Variants in WDPCP observed in about 807,000 individuals in gnomAD.
WDPCP encodes the protein WD repeat containing planar cell polarity effector.
WDPCP carries 71 observed loss-of-function variants against 93.1 expected under a neutral mutation model. The ratio of observed to expected loss-of-function variants is 0.76; its 90% CI spans 0.63 to 0.93. WDPCP has a LOEUF of 0.93. WDPCP is among the 40% of genes least tolerant of loss of function. WDPCP has a pLI of 0.00. For missense variants in WDPCP, 844 were observed against 887.4 expected, an observed-to-expected ratio of 0.95 and a Z score of 0.62; for synonymous variants, 315 against 315.0, an observed-to-expected ratio of 1.00 and a Z score of 0.00.
In WDPCP at chr2:63,120,349, T is replaced by C. The variant is rs1669481498; in HGVS notation, c.*1657A>G. ...AACAAAATGAAAAATCTAATTTGAG[T>C]TTCACCTTTTTTTGTCATACCCTCT... On this transcript the variant is annotated 3_prime_UTR_variant, in exon 18 of 18. Coordinates refer to ENST00000272321, the MANE Select transcript of WDPCP (RefSeq NM_015910.7). Among the ~76,000 whole-genome samples, 2 of 152,074 alleles carry C rather than the reference T, an allele frequency of 1.3e-5. No homozygotes were observed. The highest frequency in any genetic ancestry group is 2.1e-4 in the South Asian group (1 of 4,822).
intron 10 of WDPCP, among the ~76,000 whole-genome samples, chr2:63,393,598 AAG>A (rs1693467044): frequency 6.6e-6 from 1 of 152,144 alleles, no homozygotes; most frequent in African/African-American, 2.4e-5. Flanking sequence ...GAACCAAAAA[AAG>A]AGTCTGAATA....
rs140115538 is a variant in WDPCP at position 63,375,190 on chromosome 2, T to C, written c.1748+3196A>G. On this transcript the variant is annotated intron_variant, in intron 12 of 17. Coordinates refer to ENST00000272321, the MANE Select transcript of WDPCP (RefSeq NM_015910.7). ...TGTTTGCCCTTTCATTTCATCAATA[T>C]TTAGGGGTTCCTACTATAGTTTCTA... Among the ~76,000 whole-genome samples, 1,514 of 152,186 alleles carry C rather than the reference T, an allele frequency of 9.9e-3. 14 individuals carry two copies. The highest frequency in any genetic ancestry group is 0.016 in the Non-Finnish European group (1,056 of 67,910).
At chr2:63,573,257 A>AAG (rs1553437668) in intron 1 of WDPCP, among the ~76,000 whole-genome samples, 6 of 149,912 alleles carry the variant, frequency 4.0e-5, no homozygotes, top group East Asian at 2.0e-4. Flanking sequence ...AAAAAAAAAA[A>AAG]AAAGGATTCG....
At chr2:63,385,917 C>T (rs1478721841) in intron 10 of WDPCP, among the ~76,000 whole-genome samples, 2 of 152,018 alleles carry the variant, frequency 1.3e-5, no homozygotes, top group African/African-American at 2.4e-5. Context: ...AAGGTACAGA[C>T]ATTTAATTCA....
At chr2:63,209,112 G>A (rs575136994) in intron 14 of WDPCP, among the ~76,000 whole-genome samples, 1 of 152,330 alleles carries the variant, frequency 6.6e-6, no homozygotes, top group South Asian at 2.1e-4. Context: ...TAAGAGTAGT[G>A]ATATATTTCA....
chr2:63,751,862 C>T (rs1478698705), intron 2 of WDPCP: 30 of 677,976 alleles, frequency 4.4e-5, no homozygotes, highest in Non-Finnish European at 6.9e-5. Context: ...TTGCCAAAAG[C>T]ATTGTAGCTT....
chr2:63,673,829 G>A (rs1710373948), intron 2 of WDPCP, among the ~76,000 whole-genome samples: 1 of 152,056 alleles, frequency 6.6e-6, no homozygotes, highest in Non-Finnish European at 1.5e-5. Flanking sequence ...ATTTCATAAG[G>A]ACTTGGCACT....
chr2:63,203,197 G>T (rs1365792375), intron 14 of WDPCP, among the ~76,000 whole-genome samples: 1 of 151,986 alleles, frequency 6.6e-6, no homozygotes, highest in African/African-American at 2.4e-5. Flanking sequence ...TACATAGTAG[G>T]TATAGATCTT....
chr2:63,545,906 C>A (rs181892104), intron 1 of WDPCP, among the ~76,000 whole-genome samples: 1 of 151,420 alleles, frequency 6.6e-6, no homozygotes, highest in East Asian at 1.9e-4. Flanking sequence ...GGATTGAAGG[C>A]TTTTCCTGAC....
At chr2:63,601,887 C>T (rs1367814370) in intron 3 of WDPCP, among the ~76,000 whole-genome samples, 1 of 152,110 alleles carries the variant, frequency 6.6e-6, no homozygotes, top group African/African-American at 2.4e-5. Context: ...TATACCATAC[C>T]AGCTAAATTT....
At chr2:63,839,778 G>A in the WDPCP span, among the ~76,000 whole-genome samples, 2 of 152,186 alleles carry the variant, frequency 1.3e-5, no homozygotes, top group Non-Finnish European at 2.9e-5. Flanking sequence ...TCCAAATGCT[G>A]TTATTAAACT....
chr2:63,433,709 A>C (rs1239584908), intron 9 of WDPCP, 36 bp downstream of exon 9: 1 of 1,521,198 alleles, frequency 6.6e-7, no homozygotes, highest in South Asian at 1.2e-5. Flanking sequence ...TTTTATTTAC[A>C]CTTTATTAAA....
chr2:63,551,494 T>C (rs2166494), intron 1 of WDPCP, among the ~76,000 whole-genome samples: 5 of 152,026 alleles, frequency 3.3e-5, no homozygotes, highest in Non-Finnish European at 1.5e-5. Flanking sequence ...AATGACTCCA[T>C]TGCCTTCCAC....
At chr2:63,213,233 C>A (rs1317901632) in intron 14 of WDPCP, among the ~76,000 whole-genome samples, 1 of 152,172 alleles carries the variant, frequency 6.6e-6, no homozygotes, top group Admixed American at 6.5e-5. Flanking sequence ...GTAAAGCACT[C>A]CTCAGCAAAT....
At chr2:63,362,302 T>TGTGTGTGTGC (rs1690545485) in intron 12 of WDPCP, among the ~76,000 whole-genome samples, 1 of 131,712 alleles carries the variant, frequency 7.6e-6, no homozygotes, top group Non-Finnish European at 1.6e-5. Context: ...TGTGTGTGTG[T>TGTGTGTGTGC]AGAAAGGAAG....
Position 63,483,064 on chromosome 2 carries a change from TCA to T in WDPCP, c.384+1538_384+1539del, listed in dbSNP as rs1479208735. 2.0e-5 allele frequency among the ~76,000 whole-genome samples: 3 copies of T among 151,912 alleles called. 1 individual carries two copies. The highest frequency in any genetic ancestry group is 4.4e-5 in the Non-Finnish European group (3 of 67,910). ...CACAAAATTACTATTAAATTAAAAT[TCA>T]TTAAACTCTATCTAAAAAGGATTGT... On this transcript the variant is annotated intron_variant, in intron 6 of 17. Transcript: ENST00000272321.
At chr2:63,577,500 C>T (rs1318419229) in intron 1 of WDPCP, among the ~76,000 whole-genome samples, 1 of 152,086 alleles carries the variant, frequency 6.6e-6, no homozygotes. Flanking sequence ...TCAAGCATGA[C>T]CCAGAAATTA....
At chr2:63,622,525 C>T (rs1709755232) in intron 3 of WDPCP, 7 of 1,613,702 alleles carry the variant, frequency 4.3e-6, no homozygotes, top group African/African-American at 2.7e-5. Context: ...ATCAGCCGGG[C>T]GTGGTTGATG....
intron 6 of WDPCP, among the ~76,000 whole-genome samples, chr2:63,474,494 A>G (rs1699861439): frequency 6.6e-6 from 1 of 152,126 alleles, no homozygotes; most frequent in South Asian, 2.1e-4. Flanking sequence ...TGATTTATGA[A>G]AATACTCATT....
Sources: gnomAD v4.1 joint callset for allele counts (sites outside exome capture counted in the v4.1 genomes callset) on GRCh38, gnomAD v4.1.1 for gene constraint, MANE v1.5 for transcripts, NCBI Gene and HGNC (gene_info 2026-07-23, HGNC 2026-07-21) for gene names.